The following DLG2 variants were observed in gnomAD, a reference collection of about 807,000 sequenced individuals.
DLG2 encodes disks large homolog 2.
A neutral mutation model predicts 132.5 loss-of-function variants in DLG2; 45 were observed. The observed-to-expected ratio is 0.34, with a 90% CI of 0.27 to 0.44. The LOEUF is 0.44. Ranked by LOEUF, DLG2 falls within the 20% of genes least tolerant of loss-of-function variation. The probability of loss-of-function intolerance (pLI) is 1.00; values close to 1 mark genes in which losing one functional copy is unlikely to be tolerated. For missense variants in DLG2, 1,045 were observed against 1,196.9 expected, an observed-to-expected ratio of 0.87 and a Z score of 1.87; for synonymous variants, 424 against 419.6, an observed-to-expected ratio of 1.01 and a Z score of -0.13.
chr11:84,164,554 T>C (rs2095619414), intron 8 of DLG2, among the ~76,000 whole-genome samples: 2 of 152,138 alleles, frequency 1.3e-5, no homozygotes, highest in African/African-American at 4.8e-5. Flanking sequence ...GCCAGCCCTG[T>C]TGCCTAACAC....
At chr11:84,609,314 T>C (rs2099591236) in intron 6 of DLG2, among the ~76,000 whole-genome samples, 1 of 152,052 alleles carries the variant, frequency 6.6e-6, no homozygotes, top group South Asian at 2.1e-4. Flanking sequence ...ACTAAATGAG[T>C]TAATACCTAT....
At chr11:85,165,039 T>C (rs574584420) in intron 4 of DLG2, among the ~76,000 whole-genome samples, 1 of 152,296 alleles carries the variant, frequency 6.6e-6, no homozygotes, top group South Asian at 2.1e-4. Flanking sequence ...TCCAGGTGAT[T>C]CTGACACATG....
At position 83,980,660 on chromosome 11, in the gene DLG2, A is replaced by C; in HGVS notation, c.920-18T>G. The C allele has an allele frequency of 6.5e-7, 1 of 1,538,694 alleles. No individual in the cohort carries two copies. Among genetic ancestry groups the C allele is most frequent in the Non-Finnish European group, 8.7e-7 (1 of 1,146,210 alleles). On this transcript the variant is annotated intron_variant, in intron 11 of 27. Transcript: ENST00000376104. ...GCCTAAACCTATAAGAAAGGAACAG[A>C]AAATGGAAAGCCTTGTTTTGTTGTT...
intron 5 of DLG2, among the ~76,000 whole-genome samples, chr11:85,128,479 G>T (rs547654139): frequency 2.0e-5 from 3 of 152,042 alleles, no homozygotes; most frequent in Admixed American, 6.6e-5. Flanking sequence ...TTTACTTTTC[G>T]CAGTTCCACA....
chr11:83,549,072 CAG>C (rs147260226), intron 19 of DLG2, among the ~76,000 whole-genome samples: 1,545 of 152,272 alleles, frequency 0.01, 62 homozygotes, highest in Admixed American at 0.062. Context: ...ATGCAAGGAA[CAG>C]AGTGCTTTGA....
chr11:84,239,923 G>C (rs1036316296), intron 8 of DLG2, among the ~76,000 whole-genome samples: 1 of 152,184 alleles, frequency 6.6e-6, no homozygotes, highest in Non-Finnish European at 1.5e-5. Context: ...AGAAACCGCT[G>C]CTTCTCCCCA....
chr11:84,985,559 C>T (rs1424790343), intron 6 of DLG2, among the ~76,000 whole-genome samples: 1 of 151,882 alleles, frequency 6.6e-6, no homozygotes, highest in Admixed American at 6.6e-5. Context: ...TAAGGTCACA[C>T]CTCAAGAAAA....
chr11:83,672,350 T>C (rs2076976505), intron 18 of DLG2, among the ~76,000 whole-genome samples: 1 of 152,038 alleles, frequency 6.6e-6, no homozygotes, highest in Non-Finnish European at 1.5e-5. Flanking sequence ...GCTAATTTTG[T>C]ACTTTTAGTA....
At chr11:83,716,753 T>C (rs1447340136) in intron 18 of DLG2, among the ~76,000 whole-genome samples, 1 of 152,242 alleles carries the variant, frequency 6.6e-6, no homozygotes, top group African/African-American at 2.4e-5. Flanking sequence ...TGGCCCATCA[T>C]ACAGACTTTT....
intron 6 of DLG2, among the ~76,000 whole-genome samples, chr11:84,975,474 A>G (rs543707706): frequency 6.6e-6 from 1 of 152,330 alleles, no homozygotes; most frequent in East Asian, 1.9e-4. Flanking sequence ...CAGTACTTCA[A>G]GACACATTTT....
chr11:85,013,884 T>G (rs556553848), intron 6 of DLG2, among the ~76,000 whole-genome samples: 1 of 152,318 alleles, frequency 6.6e-6, no homozygotes, highest in East Asian at 1.9e-4. Flanking sequence ...CATGCTATTA[T>G]GCTATCAAAA....
At chr11:83,860,496 A>G (rs2061281184) in intron 16 of DLG2, among the ~76,000 whole-genome samples, 1 of 152,038 alleles carries the variant, frequency 6.6e-6, no homozygotes, top group African/African-American at 2.4e-5. Context: ...GTTTTGGCCA[A>G]TTTCTCCCAT....
intron 4 of DLG2, among the ~76,000 whole-genome samples, chr11:85,262,375 C>T (rs1039413264): frequency 3.3e-5 from 5 of 152,030 alleles, no homozygotes; most frequent in Admixed American, 3.3e-4. Context: ...CTAGGCCTTT[C>T]CTGGGCCTTG....
intron 9 of DLG2, among the ~76,000 whole-genome samples, chr11:84,154,742 T>G (rs866490790): frequency 1.4e-4 from 22 of 152,040 alleles, no homozygotes; most frequent in Non-Finnish European, 5.9e-5. Context: ...ACTGAGAACA[T>G]GCAGTGTTTG....
At chr11:84,800,506 T>C (rs796838115) in intron 6 of DLG2, 10 of 152,268 alleles carry the variant, frequency 6.6e-5, no homozygotes, top group African/African-American at 2.4e-4. Flanking sequence ...CAAATTAAAA[T>C]AGAAATCATG....
chr11:84,081,543 T>TA (rs2154155651), intron 10 of DLG2, among the ~76,000 whole-genome samples: 1 of 152,338 alleles, frequency 6.6e-6, no homozygotes, highest in Admixed American at 6.5e-5. Flanking sequence ...TTCTCATTGT[T>TA]AAATTCCCTC....
chr11:84,052,785 G>T (rs1377859167), intron 11 of DLG2, among the ~76,000 whole-genome samples: 1 of 151,920 alleles, frequency 6.6e-6, no homozygotes, highest in Non-Finnish European at 1.5e-5. Flanking sequence ...AACCATTGTG[G>T]AAGACAGTGT....
At chr11:85,095,263 T>C (rs1185134859) in intron 6 of DLG2, among the ~76,000 whole-genome samples, 1 of 152,182 alleles carries the variant, frequency 6.6e-6, no homozygotes, top group Non-Finnish European at 1.5e-5. Context: ...AGTGAGCATA[T>C]GCTGTTGGAA....
chr11:84,853,984 A>C (rs1245022285), intron 6 of DLG2, among the ~76,000 whole-genome samples: 1 of 152,004 alleles, frequency 6.6e-6, no homozygotes, highest in African/African-American at 2.4e-5. Context: ...TGAGCTCTGG[A>C]GGCCTGCAAT....
Sources: allele counts gnomAD v4.1 joint callset (sites outside exome capture counted in the v4.1 genomes callset), GRCh38; gene constraint gnomAD v4.1.1; transcripts MANE v1.5; gene names NCBI Gene and HGNC (gene_info 2026-07-23, HGNC 2026-07-21).